SLC2A13: variants seen among roughly 807,000 people sequenced by gnomAD.
SLC2A13 encodes proton myo-inositol cotransporter.
A neutral mutation model predicts 64.4 loss-of-function variants in SLC2A13; 32 were observed. That is an observed-to-expected ratio of 0.50 (90% CI 0.37 to 0.67). The LOEUF is 0.67. Ranked by LOEUF, SLC2A13 falls within the 30% of genes least tolerant of loss-of-function variation. SLC2A13 has a pLI of 0.00. For synonymous variants in SLC2A13, 338 were observed against 327.1 expected (o/e 1.03, Z -0.36); for missense variants, 743 against 829.2 (o/e 0.90, Z 1.28).
intron 6 of SLC2A13, among the ~76,000 whole-genome samples, chr12:39,831,232 C>G (rs1942842477): frequency 6.6e-6 from 1 of 152,130 alleles, no homozygotes; most frequent in South Asian, 2.1e-4. Flanking sequence ...CTACCTGGAA[C>G]AGGGGCCCAT....
chr12:40,060,600 T>C (rs1049934278), intron 1 of SLC2A13, among the ~76,000 whole-genome samples: 4 of 152,204 alleles, frequency 2.6e-5, no homozygotes, highest in Non-Finnish European at 5.9e-5. Context: ...TGCTAGAATT[T>C]CTTTATTAAA....
At chr12:39,763,203 T>C (rs1008279891) in intron 9 of SLC2A13, among the ~76,000 whole-genome samples, 3 of 152,064 alleles carry the variant, frequency 2.0e-5, no homozygotes, top group Non-Finnish European at 4.4e-5. Context: ...ATACTAAATA[T>C]ATATCCAGTT....
chr12:39,875,077 G>A lies in SLC2A13; in HGVS notation c.1035-3116C>T, dbSNP rs569230768. Among the ~76,000 whole-genome samples the A allele has an allele frequency of 5.3e-4, 80 of 152,272 alleles. 1 individual carries two copies. Among genetic ancestry groups the A allele is most frequent in the African/African-American group, 1.8e-3 (76 of 41,546 alleles). ...AACCCTGGTAAATATATTAGTTTGT[G>A]TTGCTGCCATGACAAATTACCACAA... On this transcript the variant is annotated intron_variant, in intron 4 of 9. Transcript: ENST00000280871.
intron 7 of SLC2A13, among the ~76,000 whole-genome samples, chr12:39,813,615 G>A (rs1208476936): frequency 6.6e-6 from 1 of 152,024 alleles, no homozygotes; most frequent in Non-Finnish European, 1.5e-5. Flanking sequence ...CACTTTCCTG[G>A]TTGTCTTTAA....
chr12:39,914,817 C>A (rs1945497332), intron 4 of SLC2A13, among the ~76,000 whole-genome samples: 1 of 151,736 alleles, frequency 6.6e-6, no homozygotes, highest in African/African-American at 2.4e-5. Context: ...AATTTAATAC[C>A]TGAATATATA....
At chr12:40,031,503 G>A (rs1014158947) in intron 2 of SLC2A13, among the ~76,000 whole-genome samples, 3 of 152,138 alleles carry the variant, frequency 2.0e-5, no homozygotes, top group Admixed American at 6.5e-5. Flanking sequence ...TTACAGGCAC[G>A]CGCCACTGCT....
chr12:39,851,314 T>C (rs987579938), intron 6 of SLC2A13, among the ~76,000 whole-genome samples: 10 of 152,146 alleles, frequency 6.6e-5, no homozygotes, highest in African/African-American at 2.2e-4. Flanking sequence ...ACTTTTCTGT[T>C]TGTGAAGACT....
rs1001527327 is a variant in SLC2A13, at chr12:39,960,143, T to C, written c.926-8778A>G. Among the ~76,000 whole-genome samples the C allele has an allele frequency of 2.0e-5, 3 of 152,212 alleles. No homozygotes were observed. In the South Asian group the frequency reaches 6.2e-4, roughly 32 times the overall value. ...TGCTAAAATATCAGTTACTTTTCTCTAAAGTTATATGCATATTTCATAATA... is the reference window on the plus strand; with the variant it reads ...TGCTAAAATATCAGTTACTTTTCTCCAAAGTTATATGCATATTTCATAATA... On this transcript the variant is annotated intron_variant, in intron 3 of 9. Transcript: ENST00000280871.
chr12:40,105,264 C>T lies in SLC2A13; in HGVS notation c.545G>A (p.Gly182Glu). 6.3e-7 allele frequency: 1 copy of T among 1,594,366 alleles called. No individual in the cohort carries two copies. The highest frequency in any genetic ancestry group is 8.5e-7 in the Non-Finnish European group (1 of 1,173,156). Residue 182 changes from glycine (G) to glutamate (E), a missense_variant, in exon 1 of 10, where the codon GGA (glycine) becomes GAA (glutamate). This residue lies in a region of SLC2A13 where 448 missense variants were observed against 447.4 expected (regional missense o/e 1.00). Transcript: ENST00000280871. This position sits in a 1 kb window ranked among gnomAD's most constrained non-coding sequence, Gnocchi z 4.2. ...GAGCCCGAACTCACCGATGCCGAGTCCCACGACCAGGCGGCCGGCGAGCAG... is the reference window on the plus strand; with the variant it reads ...GAGCCCGAACTCACCGATGCCGAGTTCCACGACCAGGCGGCCGGCGAGCAG... ...ETLLAGRLVV[G>E]LGIGIASMTV...
chr12:40,105,946 G>C lies in SLC2A13; in HGVS notation c.-138C>G, dbSNP rs913381261. Reference sequence around the variant, plus strand: ...TCCCGGCTTCCGCTCCGGCTGCCACGGCAGCAGCCGCCGCCACGGCCGCTC... The same window carrying C: ...TCCCGGCTTCCGCTCCGGCTGCCACCGCAGCAGCCGCCGCCACGGCCGCTC... On this transcript the variant is annotated 5_prime_UTR_variant, in exon 1 of 10. Transcript: ENST00000280871. This position sits in a 1 kb window ranked among gnomAD's most constrained non-coding sequence, Gnocchi z 4.2. 2 of 1,085,504 alleles carry C rather than the reference G, an allele frequency of 1.8e-6. No homozygotes were observed. Among genetic ancestry groups the C allele is most frequent in the Non-Finnish European group, 1.2e-6 (1 of 839,996 alleles). The allele number at this position is 1,085,504 out of a possible 1,614,324, so 67.2% of individuals were successfully genotyped here.
At chr12:40,055,565 G>C (rs554027455) in intron 1 of SLC2A13, among the ~76,000 whole-genome samples, 72 of 152,336 alleles carry the variant, frequency 4.7e-4, no homozygotes, top group Non-Finnish European at 7.6e-4. Context: ...TAAGGGCGTA[G>C]ACTAAGTTAT....
chr12:40,061,850 A>T (rs149604473), intron 1 of SLC2A13, among the ~76,000 whole-genome samples: 107 of 152,142 alleles, frequency 7.0e-4, no homozygotes, highest in African/African-American at 2.3e-3. Flanking sequence ...TCCTTGCTGG[A>T]AGGACAATGG....
rs181217242 is a variant in SLC2A13 at position 39,766,460 on chromosome 12, G to C, written c.1446-1602C>G. Among the ~76,000 whole-genome samples the C allele has an allele frequency of 2.0e-5, 3 of 152,170 alleles. No individual in the cohort carries two copies. In the East Asian group the frequency reaches 5.8e-4, roughly 30 times the overall value. On this transcript the variant is annotated intron_variant, in intron 7 of 9. Transcript: ENST00000280871. ...CCTTTCACAAGTCATCATCTTTTTG[G>C]TGGAGGGTCTTGCCTCAATGTTGAG...
At chr12:39,810,002 A>C (rs1043178360) in intron 7 of SLC2A13, among the ~76,000 whole-genome samples, 2 of 152,154 alleles carry the variant, frequency 1.3e-5, no homozygotes, top group Non-Finnish European at 1.5e-5. Context: ...CATGATTTAT[A>C]ATCCTTTGGG....
intron 3 of SLC2A13, among the ~76,000 whole-genome samples, chr12:39,967,513 C>A (rs990699078): frequency 2.6e-5 from 4 of 152,088 alleles, no homozygotes; most frequent in Admixed American, 2.6e-4. Context: ...ATATATGACT[C>A]CTTATGTAAA....
At chr12:39,969,776 T>A (rs1184497194) in intron 3 of SLC2A13, among the ~76,000 whole-genome samples, 1 of 152,226 alleles carries the variant, frequency 6.6e-6, no homozygotes, top group Non-Finnish European at 1.5e-5. Context: ...GGTAGTTTCT[T>A]TTGCTGTGCA....
intron 3 of SLC2A13, among the ~76,000 whole-genome samples, chr12:39,952,727 G>T (rs998296450): frequency 1.3e-5 from 2 of 152,096 alleles, no homozygotes; most frequent in Admixed American, 1.3e-4. Flanking sequence ...CAGACTGAGG[G>T]TATTATAAAT....
rs183896818 is a variant in SLC2A13, at chr12:40,009,208, G to A, written c.925+19093C>T. Among the ~76,000 whole-genome samples the A allele has an allele frequency of 2.2e-3, 338 of 152,264 alleles. 3 individuals are homozygous for A. The highest frequency in any genetic ancestry group is 1.0e-3 in the Non-Finnish European group (71 of 68,018). ...TGGGATCGATGTGATGGGCAAAGAG[G>A]AATTTAGCTTTATCTGTCCTGTTCT... On this transcript the variant is annotated intron_variant, in intron 3 of 9. Coordinates refer to ENST00000280871, the MANE Select transcript of SLC2A13 (RefSeq NM_052885.4).
intron 1 of SLC2A13, among the ~76,000 whole-genome samples, chr12:40,080,658 T>C (rs58432263): frequency 0.02 from 3,100 of 152,148 alleles, 96 homozygotes; most frequent in African/African-American, 0.07. Flanking sequence ...TCCCAAAGGG[T>C]TGGGATTACA....
Sources: allele counts gnomAD v4.1 joint callset (sites outside exome capture counted in the v4.1 genomes callset), GRCh38; gene constraint gnomAD v4.1.1; regional missense constraint gnomAD v4.1.1; non-coding constraint Gnocchi (gnomAD v3.1); transcripts MANE v1.5; gene names NCBI Gene and HGNC (gene_info 2026-07-23, HGNC 2026-07-21).